The following AMPH variants were observed in gnomAD, a reference collection of about 807,000 sequenced individuals.
AMPH encodes the protein amphiphysin (Stiff-Mann syndrome with breast cancer 128kD autoantigen).
In AMPH, 49 loss-of-function variants were observed where a neutral mutation model predicts 99.1. The observed-to-expected ratio is 0.49, with a 90% CI of 0.39 to 0.63. AMPH has a LOEUF of 0.63. Among genes scored for constraint, AMPH ranks in the 20% least tolerant of loss-of-function variants. The pLI, the probability that AMPH is intolerant of heterozygous loss-of-function variation, is 0.00. For missense variants in AMPH, 759 were observed against 863.4 expected (o/e 0.88, Z 1.52); for synonymous variants, 314 against 317.3 (o/e 0.99, Z 0.11).
At chr7:38,555,213 TG>T (rs1389979707) in intron 1 of AMPH, among the ~76,000 whole-genome samples, 3 of 150,608 alleles carry the variant, frequency 2.0e-5, no homozygotes, top group Non-Finnish European at 4.4e-5. Flanking sequence ...AAGACCAGCC[TG>T]GGTAGCATAG....
chr7:38,391,728 G>A lies in AMPH; in HGVS notation c.1878+20C>T, dbSNP rs531672658. 7.5e-6 allele frequency: 12 copies of A among 1,605,266 alleles called. No individual in the cohort carries two copies. The highest frequency in any genetic ancestry group is 4.0e-5 in the African/African-American group (3 of 74,230). ...CTTAAAGCAAAAAAAGGATAAATGAGACTTAAAAAATAAGAATACCTTGTA... is the reference window on the plus strand; with the variant it reads ...CTTAAAGCAAAAAAAGGATAAATGAAACTTAAAAAATAAGAATACCTTGTA... On this transcript the variant is annotated intron_variant, in intron 19 of 20. Transcript: ENST00000356264.
intron 16 of AMPH, among the ~76,000 whole-genome samples, chr7:38,419,570 A>G (rs1267584330): frequency 1.3e-5 from 2 of 152,224 alleles, no homozygotes; most frequent in Non-Finnish European, 2.9e-5. Context: ...TATTGTTTGA[A>G]AAGAATTATC....
chr7:38,432,161 T>C, intron 13 of AMPH, 28 bp downstream of exon 13: 2 of 1,603,792 alleles, frequency 1.2e-6, no homozygotes, highest in Non-Finnish European at 1.7e-6. Context: ...TCAAGATACA[T>C]GAAAAAACAG....
intron 17 of AMPH, among the ~76,000 whole-genome samples, chr7:38,417,012 T>A (rs1357503840): frequency 6.6e-6 from 1 of 152,190 alleles, no homozygotes; most frequent in African/African-American, 2.4e-5. Flanking sequence ...ATAGAGAAAT[T>A]GTTTTTCCTA....
At chr7:38,549,520 A>C (rs1215847307) in intron 1 of AMPH, among the ~76,000 whole-genome samples, 6 of 152,264 alleles carry the variant, frequency 3.9e-5, no homozygotes, top group Admixed American at 3.3e-4. Flanking sequence ...TACAAAACTG[A>C]AAATGTGATG....
At chr7:38,544,441 C>T (rs1790921663) in intron 1 of AMPH, among the ~76,000 whole-genome samples, 1 of 152,156 alleles carries the variant, frequency 6.6e-6, no homozygotes, top group Admixed American at 6.5e-5. Flanking sequence ...TCTCTAGATA[C>T]TGGGTTCTAT....
At chr7:38,520,222 T>G (rs911101516) in intron 2 of AMPH, among the ~76,000 whole-genome samples, 5 of 152,218 alleles carry the variant, frequency 3.3e-5, no homozygotes, top group Non-Finnish European at 7.3e-5. Flanking sequence ...AAAAATGTAT[T>G]CATCTGGGAA....
rs558469867 is a variant in AMPH, at chr7:38,460,365, G to A, written c.1017+918C>T. ...TACTTATCCAAAAGAAAAGAAATGT[G>A]TATATCAAAGGAATACCTGCACTTG... On this transcript the variant is annotated intron_variant, in intron 11 of 20. Transcript: ENST00000356264. Among the ~76,000 whole-genome samples the A allele has an allele frequency of 9.3e-4, 142 of 152,218 alleles. 2 individuals carry two copies. Among genetic ancestry groups the A allele is most frequent in the Non-Finnish European group, 1.6e-3 (109 of 67,966 alleles).
intron 1 of AMPH, among the ~76,000 whole-genome samples, chr7:38,538,000 T>C (rs2129041590): frequency 6.6e-6 from 1 of 152,316 alleles, no homozygotes; most frequent in Non-Finnish European, 1.5e-5. Flanking sequence ...AGGATCAAAC[T>C]TGCTCTGCCA....
intron 19 of AMPH, among the ~76,000 whole-genome samples, chr7:38,390,981 GA>G (rs1784472856): frequency 1.8e-5 from 1 of 57,042 alleles, no homozygotes; most frequent in South Asian, 4.5e-4. Flanking sequence ...GAGAGAGAGA[GA>G]GAGAGAGAGA....
At chr7:38,405,294 C>T (rs1457358102) in intron 17 of AMPH, among the ~76,000 whole-genome samples, 1 of 152,146 alleles carries the variant, frequency 6.6e-6, no homozygotes, top group East Asian at 1.9e-4. Flanking sequence ...AAAGCAATTA[C>T]ACAACTGAGA....
At chr7:38,447,049 C>T (rs1355767349) in intron 11 of AMPH, among the ~76,000 whole-genome samples, 4 of 150,768 alleles carry the variant, frequency 2.7e-5, no homozygotes, top group Non-Finnish European at 5.9e-5. Flanking sequence ...GACGGAGTTT[C>T]ACTCTTGTTG....
intron 1 of AMPH, among the ~76,000 whole-genome samples, chr7:38,578,400 G>A (rs1562840803): frequency 6.6e-6 from 1 of 152,176 alleles, no homozygotes; most frequent in Non-Finnish European, 1.5e-5. Flanking sequence ...TTTGGCTTAT[G>A]CAAGTGATAT....
intron 16 of AMPH, among the ~76,000 whole-genome samples, chr7:38,419,462 G>C (rs1785509547): frequency 6.6e-6 from 1 of 152,080 alleles, no homozygotes. Flanking sequence ...GCTTTTTTCA[G>C]CTTTAAGAGG....
chr7:38,553,132 T>C (rs571525811), intron 1 of AMPH, among the ~76,000 whole-genome samples: 1 of 152,356 alleles, frequency 6.6e-6, no homozygotes, highest in East Asian at 1.9e-4. Context: ...ACCTCTCCTT[T>C]ATGACTTCTG....
rs746826863 is a variant in AMPH, at chr7:38,463,103, G to C, written c.760C>G (p.Pro254Ala). ...GATGGTGTCTTTGCAATGCGGAGAG[G>C]ACCCGAATCACTAGAGGAACACAGG... ...TIQGAPSDSGPLRIAKTPSPP... is the reference protein window; with the variant it reads ...TIQGAPSDSGALRIAKTPSPP... The change falls in exon 10 of 21, where the codon CCT becomes GCT. Residue 254 changes from proline (P) to alanine (A), a missense_variant. Physicochemically the swap from Pro to Ala is conservative, Grantham distance 27 (BLOSUM62 -1). This residue lies in a region of AMPH where 554 missense variants were observed against 575.6 expected (regional missense o/e 0.96). Transcript: ENST00000356264. 1 of 1,613,656 alleles carries C rather than the reference G, an allele frequency of 6.2e-7. No homozygotes were observed. The highest frequency in any genetic ancestry group is 1.1e-5 in the South Asian group (1 of 91,040).
chr7:38,586,504 G>C (rs912005758), intron 1 of AMPH, among the ~76,000 whole-genome samples: 1 of 152,144 alleles, frequency 6.6e-6, no homozygotes, highest in African/African-American at 2.4e-5. Context: ...AACAAATCAA[G>C]ATATGAAAGG....
intron 5 of AMPH, among the ~76,000 whole-genome samples, chr7:38,485,162 C>T (rs1788439358): frequency 6.6e-6 from 1 of 151,680 alleles, no homozygotes; most frequent in South Asian, 2.1e-4. Flanking sequence ...AATTAAATTC[C>T]CAGTCAAAAG....
intron 16 of AMPH, among the ~76,000 whole-genome samples, chr7:38,419,801 A>G (rs993758074): frequency 2.6e-5 from 4 of 152,234 alleles, no homozygotes; most frequent in African/African-American, 7.2e-5. Flanking sequence ...GTAAGATCGA[A>G]GCCAGATGAG....
Sources: gnomAD v4.1 joint callset for allele counts (sites outside exome capture counted in the v4.1 genomes callset) on GRCh38, gnomAD v4.1.1 for gene constraint, gnomAD v4.1.1 regional missense constraint, MANE v1.5 for transcripts, NCBI Gene and HGNC (gene_info 2026-07-23, HGNC 2026-07-21) for gene names.